Variants in SATB1 observed in about 807,000 individuals in gnomAD.
SATB1 encodes the protein SATB homeobox 1.
Under a neutral mutation model 86.9 loss-of-function variants are expected in SATB1, and 11 were observed. The ratio of observed to expected loss-of-function variants is 0.13; its 90% confidence interval spans 0.08 to 0.21. The LOEUF (loss-of-function observed/expected upper bound fraction) is 0.21. SATB1 is among the 10% of genes least tolerant of loss of function. The probability of loss-of-function intolerance (pLI) is 1.00; values close to 1 mark genes in which losing one functional copy is unlikely to be tolerated. For missense variants in SATB1, 551 were observed against 937.6 expected (o/e 0.59, Z 5.39); for synonymous variants, 357 against 357.2 (o/e 1.00, Z 0.01).
upstream of SATB1, among the ~76,000 whole-genome samples, chr3:18,440,509 G>A (rs762038449): frequency 6.6e-6 from 1 of 152,082 alleles, no homozygotes; most frequent in Non-Finnish European, 1.5e-5. Flanking sequence ...CTATAAACTG[G>A]TATTTACTTC....
intron 8 of SATB1, among the ~76,000 whole-genome samples, chr3:18,379,910 G>A (rs1695959747): frequency 6.6e-6 from 1 of 152,174 alleles, no homozygotes; most frequent in Non-Finnish European, 1.5e-5. Context: ...TGCCACTCTA[G>A]TAAGCAAGGG....
chr3:18,417,943 AGCACC>A (rs753989224), intron 2 of SATB1, among the ~76,000 whole-genome samples: 1 of 152,146 alleles, frequency 6.6e-6, no homozygotes, highest in African/African-American at 2.4e-5. Context: ...ATGATTAATA[AGCACC>A]GGCCACACTA....
At chr3:18,405,947 T>C (rs1697510244) in intron 5 of SATB1, among the ~76,000 whole-genome samples, 1 of 152,008 alleles carries the variant, frequency 6.6e-6, no homozygotes, top group Non-Finnish European at 1.5e-5. Flanking sequence ...TCAATCAATA[T>C]TATGAAAATC....
At position 18,444,169 on chromosome 3, in the gene SATB1, T is replaced by C. The variant is rs1699317574; in HGVS notation, c.-25+1349A>G. On this transcript the variant is annotated intron_variant, in intron 1 of 3. Coordinates refer to the SATB1 transcript ENST00000415069. This position sits in a 1 kb window ranked among gnomAD's most constrained non-coding sequence, Gnocchi z 5.1. ...CCCGCAGCCCACTCCTCCAGGCACC[T>C]TACTGCCCGCCCGGCTCCAGAACGC... is the stretch of plus-strand genomic sequence containing the variant. Among the ~76,000 whole-genome samples, 1 of 152,056 alleles carries C rather than the reference T, an allele frequency of 6.6e-6. No individual in the cohort carries two copies. The highest frequency in any genetic ancestry group is 2.1e-4 in the South Asian group (1 of 4,818).
chr3:18,436,262 G>A lies in SATB1; in HGVS notation c.-25+527C>T, dbSNP rs62240974. ...GGGAGCCTGAAAAACAATCATTATT[G>A]TAGGAAAGAACGCATAGAAGGTCAA... is the stretch of plus-strand genomic sequence containing the variant. On this transcript the variant is annotated intron_variant, in intron 2 of 3. Coordinates refer to the SATB1 transcript ENST00000414509. 5.6e-3 allele frequency among the ~76,000 whole-genome samples: 859 copies of A among 152,250 alleles called. 3 individuals are homozygous for A. Among genetic ancestry groups the A allele is most frequent in the Non-Finnish European group, 0.011 (724 of 68,012 alleles).
intron 5 of SATB1, among the ~76,000 whole-genome samples, chr3:18,414,724 C>CACTG (rs918228989): frequency 1.3e-5 from 2 of 152,060 alleles, no homozygotes; most frequent in African/African-American, 4.8e-5. Context: ...TACACATTAA[C>CACTG]ACTGACACTG....
chr3:18,396,511 C>T (rs1295943613), intron 6 of SATB1, among the ~76,000 whole-genome samples: 1 of 152,108 alleles, frequency 6.6e-6, no homozygotes, highest in Non-Finnish European at 1.5e-5. Flanking sequence ...TGCTTAGGTA[C>T]CATACACAAC....
intron 9 of SATB1, among the ~76,000 whole-genome samples, chr3:18,369,637 C>T (rs549547531): frequency 3.9e-4 from 59 of 151,894 alleles, no homozygotes; most frequent in South Asian, 1.7e-3. Flanking sequence ...TGTCTAATCG[C>T]CTGTTATCAA....
In SATB1 at chr3:18,351,222, T is replaced by C. The variant is rs1694342261; in HGVS notation, c.1779+770A>G. 6.8e-6 allele frequency: 7 copies of C among 1,030,768 alleles called. No homozygotes were observed. The South Asian group carries it at 9.5e-5, about 14-fold the overall frequency. 63.9% of individuals were successfully genotyped at this position (1,030,768 alleles called of 1,614,324 possible). A position where few individuals can be genotyped will look rare whatever the true frequency, so the allele number is the denominator to read the frequency against. Reference sequence around the variant, plus strand: ...CCAAGACCATGGTTAGTAGGGCCTTTACAGGTTTGAAAATCCTGACCTGGG... The same window carrying C: ...CCAAGACCATGGTTAGTAGGGCCTTCACAGGTTTGAAAATCCTGACCTGGG... On this transcript the variant is annotated intron_variant, in intron 10 of 10. Coordinates refer to ENST00000338745, the MANE Select transcript of SATB1 (RefSeq NM_002971.6).
chr3:18,359,108 T>G (rs1196466451), intron 9 of SATB1, among the ~76,000 whole-genome samples: 1 of 152,074 alleles, frequency 6.6e-6, no homozygotes, highest in Non-Finnish European at 1.5e-5. Context: ...CAATTTTATT[T>G]ACAATTTAAT....
In SATB1 at chr3:18,415,042, A is replaced by G. The variant is rs373002816; in HGVS notation, c.639+69T>C. 1.3e-5 allele frequency: 20 copies of G among 1,568,780 alleles called. No homozygotes were observed. In the South Asian group the frequency reaches 2.1e-4, roughly 16 times the overall value. On this transcript the variant is annotated intron_variant, in intron 5 of 10. Transcript: ENST00000338745. ...AGATACCAGTTGCTTTAAACCAGGGAGCTCCATCAAACCTCAAATCAGGGT... is the reference window on the plus strand; with the variant it reads ...AGATACCAGTTGCTTTAAACCAGGGGGCTCCATCAAACCTCAAATCAGGGT...
chr3:18,367,259 G>C (rs757665542), intron 9 of SATB1, among the ~76,000 whole-genome samples: 3 of 152,150 alleles, frequency 2.0e-5, no homozygotes, highest in Non-Finnish European at 4.4e-5. Context: ...GTATTATGTA[G>C]AAAATCAGGA....
intron 5 of SATB1, among the ~76,000 whole-genome samples, chr3:18,413,494 A>G (rs906587768): frequency 6.6e-5 from 10 of 152,078 alleles, no homozygotes; most frequent in African/African-American, 2.2e-4. Flanking sequence ...TAAAAAGTTT[A>G]TTTCTAGATC....
Position 18,349,097 on chromosome 3 carries a change from A to G in SATB1, c.*73T>C. The stretch of plus-strand genomic sequence containing the variant: ...CAATGAACAACAAAGGTTTTCTGAG[A>G]GAAGACAAGGTGGACTTTTCATTTT... On this transcript the variant is annotated 3_prime_UTR_variant, in exon 11 of 11. Coordinates refer to ENST00000338745, the MANE Select transcript of SATB1 (RefSeq NM_002971.6). The surrounding 1 kb of genome is among the most constrained non-coding windows in gnomAD (Gnocchi z 5.5). 6.5e-7 allele frequency: 1 copy of G among 1,541,162 alleles called. No homozygotes were observed. The highest frequency in any genetic ancestry group is 8.7e-7 in the Non-Finnish European group (1 of 1,148,666).
intron 3 of SATB1, 67 bp downstream of exon 3, chr3:18,416,835 T>C (rs1698136545): frequency 1.4e-6 from 2 of 1,397,700 alleles, no homozygotes; most frequent in Non-Finnish European, 2.0e-6. Context: ...AAATATTCAG[T>C]GCTTTCTCTG....
chr3:18,372,661 T>C (rs553611117), intron 9 of SATB1, among the ~76,000 whole-genome samples: 3 of 152,308 alleles, frequency 2.0e-5, no homozygotes, highest in South Asian at 4.1e-4. Flanking sequence ...AAAGAAGGCA[T>C]ATTCAGATCC....
chr3:18,349,898 G>T lies in SATB1; in HGVS notation c.1780-216C>A, dbSNP rs1694267048. 5.3e-6 allele frequency: 4 copies of T among 757,940 alleles called. No individual in the cohort carries two copies. Among genetic ancestry groups the T allele is most frequent in the African/African-American group, 1.8e-5 (1 of 56,738 alleles). 47.0% of individuals were successfully genotyped at this position (757,940 alleles called of 1,614,324 possible). A position where few individuals can be genotyped will look rare whatever the true frequency, so the allele number is the denominator to read the frequency against. On this transcript the variant is annotated intron_variant, in intron 10 of 10. Transcript: ENST00000338745. The surrounding 1 kb of genome is among the most constrained non-coding windows in gnomAD (Gnocchi z 5.5). Reference sequence around the variant, plus strand: ...GGAAGGGATGAATTAAGACAGCTTTGGGGGGCTACTGCACTTACTTATCAG... The same window carrying T: ...GGAAGGGATGAATTAAGACAGCTTTTGGGGGCTACTGCACTTACTTATCAG...
At chr3:18,431,495 G>C (rs1176926721) in intron 2 of SATB1, among the ~76,000 whole-genome samples, 1 of 152,148 alleles carries the variant, frequency 6.6e-6, no homozygotes, top group African/African-American at 2.4e-5. Context: ...ACCAGGTACT[G>C]AGATCACAAT....
intron 8 of SATB1, among the ~76,000 whole-genome samples, chr3:18,380,169 G>C (rs1008441362): frequency 6.6e-6 from 1 of 152,128 alleles, no homozygotes; most frequent in African/African-American, 2.4e-5. Flanking sequence ...TTAAATGAAA[G>C]AGAAAAGAAA....
Sources: allele counts gnomAD v4.1 joint callset (sites outside exome capture counted in the v4.1 genomes callset), GRCh38; gene constraint gnomAD v4.1.1; non-coding constraint Gnocchi (gnomAD v3.1); transcripts MANE v1.5; gene names NCBI Gene and HGNC (gene_info 2026-07-23, HGNC 2026-07-21).